PGAP4: variants seen among roughly 807,000 people sequenced by gnomAD.
PGAP4 encodes post-GPI attachment to proteins GalNAc transferase 4.
A neutral mutation model predicts 28.2 loss-of-function variants in PGAP4; 12 were observed. The observed-to-expected ratio is 0.42, with a 90% CI of 0.27 to 0.69. The LOEUF (loss-of-function observed/expected upper bound fraction) is 0.69. Ranked by LOEUF, PGAP4 falls within the 30% of genes least tolerant of loss-of-function variation. The pLI, the probability that PGAP4 is intolerant of heterozygous loss-of-function variation, is 0.22. For synonymous variants in PGAP4, 205 were observed against 211.8 expected (o/e 0.97, Z 0.28); for missense variants, 425 against 513.5 (o/e 0.83, Z 1.67).
In PGAP4 at chr9:101,486,577, C is replaced by T. The variant is rs561511385; in HGVS notation, c.-78+372G>A. Reference sequence around the variant, plus strand: ...TCGGCGAGGGTCTTACCCAGACTGGCACGCGCCCCGCTCGCGTCCTTCTAT... The same window carrying T: ...TCGGCGAGGGTCTTACCCAGACTGGTACGCGCCCCGCTCGCGTCCTTCTAT... On this transcript the variant is annotated intron_variant, in intron 1 of 1. Coordinates refer to ENST00000374848, the MANE Select transcript of PGAP4 (RefSeq NM_032342.3). The surrounding 1 kb of genome is among the most constrained non-coding windows in gnomAD (Gnocchi z 4.7). 3.0e-3 allele frequency among the ~76,000 whole-genome samples: 450 copies of T among 152,280 alleles called. No individual in the cohort carries two copies. The highest frequency in any genetic ancestry group is 4.2e-3 in the Non-Finnish European group (285 of 68,006).
chr9:101,524,924 A>G (rs1340844644), intron 2 of PGAP4, among the ~76,000 whole-genome samples: 1 of 152,172 alleles, frequency 6.6e-6, no homozygotes, highest in Middle Eastern at 3.2e-3. Context: ...GCTAAAATTC[A>G]TAATGCGAGC....
rs139402477 is a variant in PGAP4 at position 101,479,669 on chromosome 9, C to A, written c.-77-2500G>T. 8.4e-3 allele frequency among the ~76,000 whole-genome samples: 1,277 copies of A among 152,290 alleles called. 11 individuals are homozygous for A. Among genetic ancestry groups the A allele is most frequent in the Non-Finnish European group, 0.013 (893 of 68,024 alleles). On this transcript the variant is annotated intron_variant, in intron 1 of 1. Coordinates refer to ENST00000374848, the MANE Select transcript of PGAP4 (RefSeq NM_032342.3). ...GATTTGGTTCAGAGGACACATGGTCCCTACCTATATTGATCAGCTTTGCTG... is the reference window on the plus strand; with the variant it reads ...GATTTGGTTCAGAGGACACATGGTCACTACCTATATTGATCAGCTTTGCTG...
intron 2 of PGAP4, among the ~76,000 whole-genome samples, chr9:101,526,428 T>A (rs551185219): frequency 6.6e-6 from 1 of 152,296 alleles, no homozygotes; most frequent in Non-Finnish European, 1.5e-5. Context: ...TGGCATCCAG[T>A]ACTTTTATTT....
At chr9:101,529,984 T>C (rs1827073403) in intron 2 of PGAP4, among the ~76,000 whole-genome samples, 1 of 152,144 alleles carries the variant, frequency 6.6e-6, no homozygotes, top group South Asian at 2.1e-4. Flanking sequence ...CTAAGTAAAA[T>C]ACAACTTGTT....
rs71356369 is a variant in PGAP4 at position 101,523,619 on chromosome 9, C to CTTTTTTTT, written c.-165+7721_-165+7728dup. Among the ~76,000 whole-genome samples, 147 of 59,290 alleles carry CTTTTTTTT rather than the reference C, an allele frequency of 2.5e-3. 8 individuals are homozygous for CTTTTTTTT. Among genetic ancestry groups the CTTTTTTTT allele is most frequent in the African/African-American group, 4.2e-3 (59 of 14,082 alleles). 38.9% of individuals were successfully genotyped at this position (59,290 alleles called of 152,430 possible). ...ACATTTCTCCCCTCACTTCTTGTATCTTTTTTTTTTTTTTTTTTTTTTTTT... is the reference window on the plus strand; with the variant it reads ...ACATTTCTCCCCTCACTTCTTGTATCTTTTTTTTTTTTTTTTTTTTTTTTTTTTTTTTT... On this transcript the variant is annotated intron_variant, in intron 2 of 3. Coordinates refer to the PGAP4 transcript ENST00000374851.
intron 2 of PGAP4, among the ~76,000 whole-genome samples, chr9:101,503,466 T>C (rs561173933): frequency 4.3e-4 from 65 of 152,212 alleles, no homozygotes; most frequent in African/African-American, 1.5e-3. Context: ...TTTGTTAAAA[T>C]CATAAGGTTA....
chr9:101,475,826 T>G lies in PGAP4; in HGVS notation c.*55A>C. 1 of 1,533,296 alleles carries G rather than the reference T, an allele frequency of 6.5e-7. No homozygotes were observed. Among genetic ancestry groups the G allele is most frequent in the African/African-American group, 1.4e-5 (1 of 72,788 alleles). 95.0% of individuals were successfully genotyped at this position (1,533,296 alleles called of 1,614,324 possible). A position where few individuals can be genotyped will look rare whatever the true frequency, so the allele number is the denominator to read the frequency against. On this transcript the variant is annotated 3_prime_UTR_variant, in exon 2 of 2. Coordinates refer to ENST00000374848, the MANE Select transcript of PGAP4 (RefSeq NM_032342.3). Reference sequence around the variant, plus strand: ...AGGCAACCATGTCTAAATAAAGAGATAAATATTTGAATCTTCAAGAAGTGG... The same window carrying G: ...AGGCAACCATGTCTAAATAAAGAGAGAAATATTTGAATCTTCAAGAAGTGG...
intron 1 of PGAP4, among the ~76,000 whole-genome samples, chr9:101,532,268 T>C (rs1261188251): frequency 1.4e-5 from 2 of 145,496 alleles, no homozygotes; most frequent in African/African-American, 5.1e-5. Flanking sequence ...AGACTCTGTC[T>C]CGAAAAAAAG....
chr9:101,486,366 G>A lies in PGAP4; in HGVS notation c.-78+583C>T, dbSNP rs1220085559. 6.6e-6 allele frequency among the ~76,000 whole-genome samples: 1 copy of A among 152,154 alleles called. No individual in the cohort carries two copies. Among genetic ancestry groups the A allele is most frequent in the African/African-American group, 2.4e-5 (1 of 41,460 alleles). ...TGCTGGTTTTTCCTGGTCCTGGGAG[G>A]GACGCCTTCCTCTGCCCAGTCGCCC... is the stretch of plus-strand genomic sequence containing the variant. On this transcript the variant is annotated intron_variant, in intron 1 of 1. Transcript: ENST00000374848. This position sits in a 1 kb window ranked among gnomAD's most constrained non-coding sequence, Gnocchi z 4.7.
intron 2 of PGAP4, chr9:101,501,669 G>A (rs1826800794): frequency 1.9e-6 from 1 of 515,494 alleles, no homozygotes; most frequent in South Asian, 1.4e-5. Context: ...TCTTTCTTCA[G>A]TTGGCTGTAA....
chr9:101,478,369 G>A (rs1230925357), intron 1 of PGAP4, among the ~76,000 whole-genome samples: 2 of 152,220 alleles, frequency 1.3e-5, no homozygotes, highest in African/African-American at 4.8e-5. Flanking sequence ...AGTACAGAAA[G>A]TAAATCTGTT....
chr9:101,476,059 C>T lies in PGAP4; in HGVS notation c.1034G>A (p.Arg345His), dbSNP rs199665312. 4.3e-4 allele frequency: 696 copies of T among 1,614,138 alleles called. 3 individuals are homozygous for T. Among genetic ancestry groups the T allele is most frequent in the South Asian group, 1.7e-3 (158 of 91,078 alleles). ...PAMLFPAPAA[R>H]RTLTYLSQVY... ...TTGGGACAGGTAGGTGAGGGTCCGG[C>T]GGGCCGCAGGTGCCGGGAAGAGCAT... The change falls in exon 2 of 2, where the codon CGC (arginine) becomes CAC (histidine). Residue 345 changes from arginine to histidine, a missense_variant. Arg to His is a conservative substitution (Grantham distance 29). Coordinates refer to ENST00000374848, the MANE Select transcript of PGAP4 (RefSeq NM_032342.3). The surrounding 1 kb of genome is among the most constrained non-coding windows in gnomAD (Gnocchi z 7.0).
At chr9:101,501,786 G>T (rs538434867) in intron 2 of PGAP4, 83 of 517,702 alleles carry the variant, frequency 1.6e-4, no homozygotes, top group African/African-American at 1.4e-3. Flanking sequence ...AACAATGCCA[G>T]ACACAAGAGA....
At chr9:101,498,062 G>A (rs1438626635) in intron 2 of PGAP4, among the ~76,000 whole-genome samples, 2 of 151,662 alleles carry the variant, frequency 1.3e-5, no homozygotes, top group Non-Finnish European at 3.0e-5. Flanking sequence ...GTAAGACTGT[G>A]GACCAAAATT....
intron 2 of PGAP4, among the ~76,000 whole-genome samples, chr9:101,507,824 T>C (rs1288004821): frequency 2.6e-5 from 4 of 152,136 alleles, no homozygotes; most frequent in Non-Finnish European, 5.9e-5. Context: ...TTGGAAAAAC[T>C]GGTTGTAGCT....
intron 2 of PGAP4, among the ~76,000 whole-genome samples, chr9:101,498,667 T>A (rs181445945): frequency 4.5e-4 from 68 of 152,124 alleles, no homozygotes; most frequent in Admixed American, 1.4e-3. Context: ...GTTTTTAAAA[T>A]AATGGCCATT....
rs1826623612 is a variant in PGAP4 at position 101,486,704 on chromosome 9, C to T, written c.-78+245G>A. Among the ~76,000 whole-genome samples, 1 of 152,130 alleles carries T rather than the reference C, an allele frequency of 6.6e-6. No individual in the cohort carries two copies. Among genetic ancestry groups the T allele is most frequent in the Non-Finnish European group, 1.5e-5 (1 of 68,016 alleles). ...CGGGCCCCTGCTGCCCTGGGGACCCCTGCGGGGTCCTCGCAATCCTCCGGC... is the reference window on the plus strand; with the variant it reads ...CGGGCCCCTGCTGCCCTGGGGACCCTTGCGGGGTCCTCGCAATCCTCCGGC... On this transcript the variant is annotated intron_variant, in intron 1 of 1. Transcript: ENST00000374848. The surrounding 1 kb of genome is among the most constrained non-coding windows in gnomAD (Gnocchi z 4.7).
chr9:101,521,626 G>T lies in PGAP4; in HGVS notation c.-165+9722C>A, dbSNP rs376930940. ...CATTTCTTGGTTATTCTTGCCAATG[G>T]TCTATCAATTTTATTTATCTTTCAA... On this transcript the variant is annotated intron_variant, in intron 2 of 3. Coordinates refer to the PGAP4 transcript ENST00000374851. Among the ~76,000 whole-genome samples the T allele has an allele frequency of 7.9e-5, 12 of 152,128 alleles. No homozygotes were observed. In the East Asian group the frequency reaches 1.9e-3, roughly 24 times the overall value.
chr9:101,513,223 A>G (rs897082261), intron 2 of PGAP4, among the ~76,000 whole-genome samples: 7 of 152,160 alleles, frequency 4.6e-5, no homozygotes, highest in Admixed American at 4.6e-4. Context: ...GTCCGCAATG[A>G]AGTATCTGCA....
Sources: gnomAD v4.1 joint callset for allele counts (sites outside exome capture counted in the v4.1 genomes callset) on GRCh38, gnomAD v4.1.1 for gene constraint, Gnocchi (gnomAD v3.1) non-coding constraint, MANE v1.5 for transcripts, NCBI Gene and HGNC (gene_info 2026-07-23, HGNC 2026-07-21) for gene names.